The following CCDC171 variants were observed in gnomAD, a reference collection of about 807,000 sequenced individuals.
CCDC171 encodes coiled-coil domain-containing protein 171.
CCDC171 carries 177 observed loss-of-function variants against 168.2 expected under a neutral mutation model. The ratio of observed to expected loss-of-function variants is 1.05; its 90% confidence interval spans 0.93 to 1.19. The LOEUF is 1.19. Among genes scored for constraint, CCDC171 ranks in the 50% most tolerant of loss-of-function variants. The pLI, the probability that CCDC171 is intolerant of heterozygous loss-of-function variation, is 0.00. For missense variants in CCDC171, 1,991 were observed against 1,539.0 expected, an observed-to-expected ratio of 1.29 and a Z score of -4.91; for synonymous variants, 687 against 540.8, an observed-to-expected ratio of 1.27 and a Z score of -3.75.
intron 25 of CCDC171, among the ~76,000 whole-genome samples, chr9:15,959,905 T>C (rs951593749): frequency 3.9e-5 from 6 of 152,190 alleles, no homozygotes; most frequent in Non-Finnish European, 5.9e-5. Context: ...TGTCACAGTT[T>C]TCAGATGACA....
intron 4 of CCDC171, among the ~76,000 whole-genome samples, chr9:15,589,961 A>G (rs1368964926): frequency 6.6e-6 from 1 of 152,224 alleles, no homozygotes; most frequent in Non-Finnish European, 1.5e-5. Context: ...ACTAAAGGAC[A>G]TGAATTACCA....
rs990554383 is a variant in CCDC171, at chr9:15,972,598, G to T, written c.*762G>T. Reference sequence around the variant, plus strand: ...TATGTTTAGGCACTTCATAAGGACAGTTCCCACACTAGGATAGCAGGTAAT... The same window carrying T: ...TATGTTTAGGCACTTCATAAGGACATTTCCCACACTAGGATAGCAGGTAAT... On this transcript the variant is annotated 3_prime_UTR_variant, in exon 26 of 26. Coordinates refer to ENST00000380701, the MANE Select transcript of CCDC171 (RefSeq NM_173550.4). The T allele has an allele frequency of 6.6e-6, 1 of 152,188 alleles. No homozygotes were observed. The highest frequency in any genetic ancestry group is 2.4e-5 in the African/African-American group (1 of 41,450). 9.4% of individuals were successfully genotyped at this position (152,188 alleles called of 1,614,324 possible).
At chr9:15,977,112 C>T (rs1831644281), downstream of CCDC171, among the ~76,000 whole-genome samples, 1 of 152,080 alleles carries the variant, frequency 6.6e-6, no homozygotes, top group Admixed American at 6.6e-5. Context: ...TTTTCTTATA[C>T]CTTAGCAATT....
chr9:15,974,457 A>C (rs781721605), downstream of CCDC171, among the ~76,000 whole-genome samples: 2 of 152,198 alleles, frequency 1.3e-5, no homozygotes, highest in Admixed American at 6.5e-5. Context: ...AATGACTTCA[A>C]ATATTTTTGT....
chr9:15,823,436 G>C (rs960713724), intron 21 of CCDC171, among the ~76,000 whole-genome samples: 1 of 151,922 alleles, frequency 6.6e-6, no homozygotes, highest in Non-Finnish European at 1.5e-5. Context: ...TTTACATAAA[G>C]TTAATTTGCT....
At chr9:15,611,112 T>G (rs556026327) in intron 6 of CCDC171, among the ~76,000 whole-genome samples, 79 of 152,234 alleles carry the variant, frequency 5.2e-4, no homozygotes, top group African/African-American at 1.8e-3. Flanking sequence ...TAAAAGTGTG[T>G]AGCGCCTCCT....
At chr9:15,908,623 G>A (rs545586500) in intron 24 of CCDC171, among the ~76,000 whole-genome samples, 1 of 152,242 alleles carries the variant, frequency 6.6e-6, no homozygotes, top group African/African-American at 2.4e-5. Context: ...CCTGCACGTT[G>A]TGCACCTGTA....
At chr9:16,108,341 A>G in the CCDC171 span, among the ~76,000 whole-genome samples, 1 of 152,246 alleles carries the variant, frequency 6.6e-6, no homozygotes, top group Admixed American at 6.5e-5. Context: ...ACAAAGATTT[A>G]TTAACCACCT....
At chr9:15,890,643 T>A (rs1177090397) in intron 24 of CCDC171, among the ~76,000 whole-genome samples, 2 of 151,758 alleles carry the variant, frequency 1.3e-5, no homozygotes, top group African/African-American at 2.4e-5. Flanking sequence ...CAAAATAAAT[T>A]CATTGCTTTA....
At chr9:16,095,697 G>A in the CCDC171 span, among the ~76,000 whole-genome samples, 3 of 151,902 alleles carry the variant, frequency 2.0e-5, no homozygotes, top group East Asian at 1.9e-4. Flanking sequence ...GGTGCCAGGC[G>A]AACCTGGTGT....
chr9:15,691,621 TTTGA>T (rs2050803910), intron 10 of CCDC171, among the ~76,000 whole-genome samples: 4 of 147,510 alleles, frequency 2.7e-5, no homozygotes. Context: ...TAAGGTAGAC[TTTGA>T]TTGCCATTAG....
intron 7 of CCDC171, among the ~76,000 whole-genome samples, chr9:15,627,353 C>T (rs1442082244): frequency 2.6e-5 from 4 of 152,046 alleles, no homozygotes; most frequent in Non-Finnish European, 5.9e-5. Flanking sequence ...TTCTTGCCTT[C>T]TGCTAGCTTT....
chr9:16,080,243 G>C, the CCDC171 span, among the ~76,000 whole-genome samples: 1 of 152,130 alleles, frequency 6.6e-6, no homozygotes, highest in East Asian at 1.9e-4. Context: ...CCCAGATGTG[G>C]TCTGATTCAA....
chr9:15,602,017 A>G (rs1176224561), intron 6 of CCDC171, among the ~76,000 whole-genome samples: 2 of 152,324 alleles, frequency 1.3e-5, no homozygotes, highest in East Asian at 3.9e-4. Flanking sequence ...GTCTTTCATT[A>G]TGAGGTGTAC....
intron 10 of CCDC171, among the ~76,000 whole-genome samples, chr9:15,689,565 G>A (rs4339736): frequency 0.48 from 72,405 of 151,816 alleles, 17,713 homozygotes; most frequent in East Asian, 0.77. Context: ...ATAAAAATTT[G>A]CCAGGTGTGA....
intron 1 of CCDC171, among the ~76,000 whole-genome samples, chr9:16,048,961 A>AC (rs1833708658): frequency 6.6e-6 from 1 of 151,694 alleles, no homozygotes. Flanking sequence ...AAAAAAAAAA[A>AC]AACCCAAACA....
At chr9:15,957,225 T>A (rs911306037) in intron 25 of CCDC171, among the ~76,000 whole-genome samples, 5 of 152,132 alleles carry the variant, frequency 3.3e-5, no homozygotes, top group African/African-American at 4.8e-5. Flanking sequence ...CCACCTATTA[T>A]GAAGCTTTTT....
chr9:15,753,002 T>C (rs996021714), intron 18 of CCDC171, among the ~76,000 whole-genome samples: 28 of 152,208 alleles, frequency 1.8e-4, no homozygotes, highest in African/African-American at 6.3e-4. Flanking sequence ...ATTTATTTAA[T>C]GTATTTTTTC....
chr9:16,100,647 G>A, the CCDC171 span, among the ~76,000 whole-genome samples: 1 of 152,220 alleles, frequency 6.6e-6, no homozygotes, highest in African/African-American at 2.4e-5. Context: ...ATAGGGCCTG[G>A]CCTGGTAAAA....
Sources: allele counts gnomAD v4.1 joint callset (sites outside exome capture counted in the v4.1 genomes callset), GRCh38; gene constraint gnomAD v4.1.1; transcripts MANE v1.5; gene names NCBI Gene and HGNC (gene_info 2026-07-23, HGNC 2026-07-21).